ARID5B: variants seen among roughly 807,000 people sequenced by gnomAD.
ARID5B encodes the protein AT-rich interactive domain-containing protein 5B.
Under a neutral mutation model 97.2 loss-of-function variants are expected in ARID5B, and 13 were observed. That is an observed-to-expected ratio of 0.13 (90% CI 0.09 to 0.21). The LOEUF is 0.21. Among genes scored for constraint, ARID5B ranks in the 10% least tolerant of loss-of-function variants. ARID5B has a pLI of 1.00. For synonymous variants in ARID5B, 556 were observed against 570.3 expected (o/e 0.97, Z 0.36); for missense variants, 1,210 against 1,465.3 (o/e 0.83, Z 2.84).
intron 2 of ARID5B, among the ~76,000 whole-genome samples, chr10:61,914,462 C>T (rs112794841): frequency 5.3e-5 from 8 of 152,192 alleles, no homozygotes; most frequent in African/African-American, 1.9e-4. Flanking sequence ...ATTTTCTCTC[C>T]TATAGTAAGA....
chr10:61,956,464 A>G (rs1014199010), intron 3 of ARID5B, among the ~76,000 whole-genome samples: 1 of 152,228 alleles, frequency 6.6e-6, no homozygotes, highest in African/African-American at 2.4e-5. Context: ...TTAACTGTAT[A>G]CTGTTGTTTC....
chr10:61,963,047 C>T (rs1338716962), intron 3 of ARID5B, among the ~76,000 whole-genome samples: 1 of 151,224 alleles, frequency 6.6e-6, no homozygotes, highest in African/African-American at 2.4e-5. Context: ...AAATGTGCAA[C>T]TCTACCAATG....
chr10:61,935,072 T>G (rs1203102087), intron 2 of ARID5B, among the ~76,000 whole-genome samples: 1 of 151,690 alleles, frequency 6.6e-6, no homozygotes, highest in Non-Finnish European at 1.5e-5. Context: ...TGACAAGTTT[T>G]GAAATATCAC....
rs60930079 is a variant in ARID5B at position 62,013,794 on chromosome 10, GTATA to G, written c.733+13492_733+13495del. 2.3e-3 allele frequency among the ~76,000 whole-genome samples: 325 copies of G among 138,926 alleles called. 5 individuals are homozygous for G. The highest frequency in any genetic ancestry group is 7.5e-3 in the African/African-American group (290 of 38,632). 91.1% of individuals were successfully genotyped at this position (138,926 alleles called of 152,430 possible). A position where few individuals can be genotyped will look rare whatever the true frequency, so the allele number is the denominator to read the frequency against. ...TTAAGGCTAAATAGTATTCCATTGG[GTATA>G]TATATATATATATATATACCACATT... On this transcript the variant is annotated intron_variant, in intron 4 of 9. Transcript: ENST00000279873.
chr10:61,976,374 G>A (rs1232020471), intron 3 of ARID5B, among the ~76,000 whole-genome samples: 1 of 152,184 alleles, frequency 6.6e-6, no homozygotes, highest in Non-Finnish European at 1.5e-5. Context: ...CAGCTCCAGA[G>A]TAAATGGCTT....
At chr10:61,950,724 G>A (rs1838312057) in intron 3 of ARID5B, among the ~76,000 whole-genome samples, 1 of 152,104 alleles carries the variant, frequency 6.6e-6, no homozygotes, top group Non-Finnish European at 1.5e-5. Context: ...ATAAAAATGA[G>A]GCTTGATTCA....
intron 3 of ARID5B, among the ~76,000 whole-genome samples, chr10:61,961,644 C>T (rs982990599): frequency 6.6e-6 from 1 of 152,208 alleles, no homozygotes; most frequent in Admixed American, 6.5e-5. Context: ...AGGCATGAAT[C>T]TTACCTTCCA....
chr10:61,970,949 G>A (rs1838618054), intron 3 of ARID5B, among the ~76,000 whole-genome samples: 1 of 150,802 alleles, frequency 6.6e-6, no homozygotes, highest in African/African-American at 2.4e-5. Context: ...AGAAAAGGAG[G>A]AGGGGTATTA....
intron 2 of ARID5B, among the ~76,000 whole-genome samples, chr10:61,917,296 T>C (rs1443668749): frequency 2.0e-5 from 3 of 152,174 alleles, no homozygotes; most frequent in African/African-American, 7.2e-5. Context: ...AACCTAGATT[T>C]TCATGTGATT....
At chr10:61,930,806 G>A (rs76576705) in intron 2 of ARID5B, among the ~76,000 whole-genome samples, 2,220 of 152,196 alleles carry the variant, frequency 0.015, 63 homozygotes, top group African/African-American at 0.051. Context: ...CCCATTGTGT[G>A]AAAAGGTATC....
rs937980109 is a variant in ARID5B at position 62,095,020 on chromosome 10, C to A, written c.*1990C>A. ...TATTCAATGTAACATACTTAATATCCAAAGGTGGAAACAAAAGAATGTAGA... is the reference window on the plus strand; with the variant it reads ...TATTCAATGTAACATACTTAATATCAAAAGGTGGAAACAAAAGAATGTAGA... On this transcript the variant is annotated 3_prime_UTR_variant, in exon 10 of 10. Coordinates refer to ENST00000279873, the MANE Select transcript of ARID5B (RefSeq NM_032199.3). 2 of 229,998 alleles carry A rather than the reference C, an allele frequency of 8.7e-6. No homozygotes were observed. The highest frequency in any genetic ancestry group is 4.4e-5 in the African/African-American group (2 of 45,068). 14.2% of individuals were successfully genotyped at this position (229,998 alleles called of 1,614,324 possible). A position where few individuals can be genotyped will look rare whatever the true frequency, so the allele number is the denominator to read the frequency against.
chr10:62,046,553 C>A (rs1425421880), intron 4 of ARID5B: 1 of 152,096 alleles, frequency 6.6e-6, no homozygotes, highest in Non-Finnish European at 1.5e-5. Context: ...TCAGAGTAGC[C>A]TGGAGCTCTG....
intron 3 of ARID5B, among the ~76,000 whole-genome samples, chr10:61,997,012 G>A (rs1205218396): frequency 6.6e-6 from 1 of 151,992 alleles, no homozygotes; most frequent in Non-Finnish European, 1.5e-5. Flanking sequence ...TATTTGGGAT[G>A]CTTGTTGAAA....
intron 4 of ARID5B, among the ~76,000 whole-genome samples, chr10:62,011,280 C>G (rs1469262673): frequency 2.0e-5 from 3 of 152,180 alleles, no homozygotes; most frequent in Non-Finnish European, 4.4e-5. Context: ...ATGACTTTAT[C>G]AAGGAGCTGA....
At chr10:61,905,596 G>T (rs1199063182) in intron 2 of ARID5B, among the ~76,000 whole-genome samples, 1 of 152,066 alleles carries the variant, frequency 6.6e-6, no homozygotes, top group East Asian at 1.9e-4. Flanking sequence ...TAGAACCCAG[G>T]CCTCCTTGAA....
rs532192306 is a variant in ARID5B at position 62,048,696 on chromosome 10, C to T, written c.734-2192C>T. Among the ~76,000 whole-genome samples, 5 of 152,318 alleles carry T rather than the reference C, an allele frequency of 3.3e-5. No homozygotes were observed. In the South Asian group the frequency reaches 8.3e-4, roughly 25 times the overall value. Reference sequence around the variant, plus strand: ...AATAAACCCAGTTTGGGGATGACTTCTTGTCAGTTCCCGGAACCTTTGCCT... The same window carrying T: ...AATAAACCCAGTTTGGGGATGACTTTTTGTCAGTTCCCGGAACCTTTGCCT... On this transcript the variant is annotated intron_variant, in intron 4 of 9. Transcript: ENST00000279873.
chr10:61,935,125 T>A (rs1347827046), intron 2 of ARID5B, among the ~76,000 whole-genome samples: 2 of 151,712 alleles, frequency 1.3e-5, no homozygotes, highest in Non-Finnish European at 2.9e-5. Flanking sequence ...AGCGAGCACC[T>A]CCTGTTGGAA....
At chr10:61,969,419 CT>C (rs199926786) in intron 3 of ARID5B, among the ~76,000 whole-genome samples, 11 of 148,824 alleles carry the variant, frequency 7.4e-5, no homozygotes, top group East Asian at 1.9e-4. Context: ...CACTGTTATC[CT>C]TTTTTTTTTC....
chr10:62,076,109 G>A (rs562025687), intron 8 of ARID5B, among the ~76,000 whole-genome samples: 14 of 152,302 alleles, frequency 9.2e-5, no homozygotes, highest in African/African-American at 3.1e-4. Context: ...CCCGGGTTCA[G>A]CCTCAGAATT....
Sources: allele counts gnomAD v4.1 joint callset (sites outside exome capture counted in the v4.1 genomes callset), GRCh38; gene constraint gnomAD v4.1.1; transcripts MANE v1.5; gene names NCBI Gene and HGNC (gene_info 2026-07-23, HGNC 2026-07-21).